Variants in USP34 observed in about 807,000 individuals in gnomAD.
The protein encoded by USP34 is ubiquitin specific peptidase 34.
USP34 carries 70 observed loss-of-function variants against 460.3 expected under a neutral mutation model. The ratio of observed to expected loss-of-function variants is 0.15; its 90% CI spans 0.13 to 0.19. The LOEUF is 0.19. USP34 is among the 10% of genes least tolerant of loss of function. The pLI, the probability that USP34 is intolerant of heterozygous loss-of-function variation, is 1.00. For missense variants in USP34, 3,985 were observed against 4,236.2 expected (o/e 0.94, Z 1.65); for synonymous variants, 1,647 against 1,405.3 (o/e 1.17, Z -3.85).
At chr2:61,402,269 G>C (rs1693743453) in intron 3 of USP34, among the ~76,000 whole-genome samples, 1 of 152,048 alleles carries the variant, frequency 6.6e-6, no homozygotes. Flanking sequence ...GACAGAGCAA[G>C]ACCCTGTCTC....
intron 21 of USP34, among the ~76,000 whole-genome samples, chr2:61,322,946 T>C (rs1480627680): frequency 7.6e-6 from 1 of 132,328 alleles, no homozygotes; most frequent in African/African-American, 2.8e-5. Context: ...CCACATTCAA[T>C]GAGCAACTTA....
rs766301380 is a variant in USP34 at position 61,278,439 on chromosome 2, G to A, written c.5261C>T (p.Thr1754Met). The A allele has an allele frequency of 5.9e-5, 92 of 1,569,298 alleles. No homozygotes were observed. Among genetic ancestry groups the A allele is most frequent in the Admixed American group, 1.0e-4 (5 of 49,004 alleles). The change falls in exon 40 of 80, where the codon ACG becomes ATG. Residue 1754 changes from threonine to methionine, a missense_variant. Around this residue, in one of 14 missense-constraint regions of USP34, gnomAD observed 1,114 missense variants for 1,122.5 expected, o/e 0.99. Transcript: ENST00000398571. ...NIHIKDASQT[T>M]LLDLDALARH... ...TGCCAAGGCATCTAAGTCGAGGAGC[G>A]TTGTCTTAATACAAAAAGAAAATAA...
At chr2:61,356,130 A>G (rs1158916221) in intron 10 of USP34, among the ~76,000 whole-genome samples, 1 of 152,106 alleles carries the variant, frequency 6.6e-6, no homozygotes, top group African/African-American at 2.4e-5. Context: ...TATTCCTAAC[A>G]GCCAGGATGT....
At chr2:61,275,057 G>A (rs952668556) in intron 41 of USP34, among the ~76,000 whole-genome samples, 5 of 152,140 alleles carry the variant, frequency 3.3e-5, no homozygotes, top group Admixed American at 6.5e-5. Context: ...CAGAAGGACT[G>A]CTTGAGCCCA....
At chr2:61,423,897 T>C (rs1694435179) in intron 1 of USP34, among the ~76,000 whole-genome samples, 1 of 152,294 alleles carries the variant, frequency 6.6e-6, no homozygotes, top group African/African-American at 2.4e-5. Context: ...TTCAACGCTA[T>C]AGTGAGATAT....
intron 33 of USP34, among the ~76,000 whole-genome samples, chr2:61,289,507 T>G (rs973123055): frequency 1.3e-5 from 2 of 152,150 alleles, no homozygotes; most frequent in African/African-American, 4.8e-5. Context: ...AATTAGAATA[T>G]CACTTATGTA....
chr2:61,199,589 T>C (rs1459828521), intron 75 of USP34, among the ~76,000 whole-genome samples: 3 of 152,220 alleles, frequency 2.0e-5, no homozygotes, highest in Non-Finnish European at 4.4e-5. Flanking sequence ...TGGTATTAAT[T>C]TTGGTCTAAA....
At chr2:61,448,558 C>T (rs918618403) in intron 1 of USP34, among the ~76,000 whole-genome samples, 1 of 152,124 alleles carries the variant, frequency 6.6e-6, no homozygotes, top group Non-Finnish European at 1.5e-5. Flanking sequence ...AACCACTGAT[C>T]AAGCCAAATG....
chr2:61,290,480 C>G (rs2103975580), intron 33 of USP34, among the ~76,000 whole-genome samples: 1 of 152,212 alleles, frequency 6.6e-6, no homozygotes, highest in Non-Finnish European at 1.5e-5. Context: ...TATACCTATA[C>G]AACGAATATA....
intron 2 of USP34, among the ~76,000 whole-genome samples, chr2:61,407,540 T>G (rs947241133): frequency 2.6e-5 from 4 of 152,238 alleles, no homozygotes; most frequent in Non-Finnish European, 5.9e-5. Flanking sequence ...CAATGCCCTG[T>G]ATGATCATGT....
chr2:61,235,955 C>A, intron 56 of USP34, 45 bp from the exon 57 acceptor site: 1 of 1,598,374 alleles, frequency 6.3e-7, no homozygotes, highest in Non-Finnish European at 8.5e-7. Flanking sequence ...TCTGAGCCAA[C>A]AATAACAAAA....
intron 41 of USP34, among the ~76,000 whole-genome samples, chr2:61,277,006 G>A (rs1430937882): frequency 6.6e-6 from 1 of 152,112 alleles, no homozygotes; most frequent in Non-Finnish European, 1.5e-5. Context: ...AAGGTAAGAT[G>A]AACTATTTAA....
At chr2:61,309,946 T>C (rs1048928228) in intron 27 of USP34, among the ~76,000 whole-genome samples, 5 of 152,146 alleles carry the variant, frequency 3.3e-5, no homozygotes, top group Non-Finnish European at 5.9e-5. Flanking sequence ...TAGCTACATG[T>C]CCCTTTTTCT....
At chr2:61,318,346 C>T (rs1026400889) in intron 22 of USP34, among the ~76,000 whole-genome samples, 1 of 151,978 alleles carries the variant, frequency 6.6e-6, no homozygotes, top group African/African-American at 2.4e-5. Flanking sequence ...CATTGTATAC[C>T]TATACTAAAC....
chr2:61,307,861 C>T (rs1355396416), intron 27 of USP34, among the ~76,000 whole-genome samples: 1 of 151,926 alleles, frequency 6.6e-6, no homozygotes, highest in African/African-American at 2.4e-5. Flanking sequence ...CCAGCCTGGG[C>T]AACATGGCAA....
chr2:61,470,681 G>A lies in USP34; in HGVS notation c.12C>T (p.Asn4=), dbSNP rs778598572. The part of the protein sequence containing the change: MCE[N]CADLVEVLNE... ...TTAACACCTCCACCAGGTCTGCGCA[G>A]TTCTCGCACATCGTTCGGCCGCCGC... Residue 4 remains asparagine, a synonymous_variant, in exon 1 of 80, where the codon AAC becomes AAT. Coordinates refer to ENST00000398571, the MANE Select transcript of USP34 (RefSeq NM_014709.4). 5 of 1,593,892 alleles carry A rather than the reference G, an allele frequency of 3.1e-6. No individual in the cohort carries two copies. Among genetic ancestry groups the A allele is most frequent in the Non-Finnish European group, 4.3e-6 (5 of 1,170,778 alleles).
chr2:61,358,776 G>A (rs1003198714), intron 10 of USP34, among the ~76,000 whole-genome samples: 1 of 152,048 alleles, frequency 6.6e-6, no homozygotes, highest in African/African-American at 2.4e-5. Flanking sequence ...AAGTTGCAAG[G>A]AACAAGATCA....
At position 61,225,643 on chromosome 2, in the gene USP34, A is replaced by AAT. The variant is rs531012966; in HGVS notation, c.7595+1423_7595+1424insAT. Among the ~76,000 whole-genome samples the AAT allele has an allele frequency of 6.1e-4, 93 of 152,284 alleles. No individual in the cohort carries two copies. The South Asian group carries it at 0.019, about 31-fold the overall frequency. On this transcript the variant is annotated intron_variant, in intron 62 of 79. Transcript: ENST00000398571. The stretch of plus-strand genomic sequence containing the variant: ...GTATTTGAGGTAGTTGTGTTCTATA[A>AAT]AGTGTGGCAAATACTGAATTAGCAA...
intron 1 of USP34, among the ~76,000 whole-genome samples, chr2:61,456,096 T>C (rs1164871209): frequency 6.6e-6 from 1 of 152,182 alleles, no homozygotes. Flanking sequence ...CAAGTGTTTA[T>C]GTTTTTAAAA....
Sources: gnomAD v4.1 joint callset for allele counts (sites outside exome capture counted in the v4.1 genomes callset) on GRCh38, gnomAD v4.1.1 for gene constraint, gnomAD v4.1.1 regional missense constraint, MANE v1.5 for transcripts, NCBI Gene and HGNC (gene_info 2026-07-23, HGNC 2026-07-21) for gene names.